The following MPPED2 variants were observed in gnomAD, a reference collection of about 807,000 sequenced individuals.
MPPED2 encodes the protein metallophosphoesterase MPPED2.
MPPED2 carries 5 observed loss-of-function variants against 33.0 expected under a neutral mutation model. That is an observed-to-expected ratio of 0.15 (90% confidence interval 0.08 to 0.32). The LOEUF (loss-of-function observed/expected upper bound fraction) is 0.32, where lower values mean the gene tolerates loss of function less well. MPPED2 is among the 10% of genes least tolerant of loss of function. The pLI, the probability that MPPED2 is intolerant of heterozygous loss-of-function variation, is 1.00. For missense variants in MPPED2, 275 were observed against 372.1 expected (o/e 0.74, Z 2.15); for synonymous variants, 136 against 141.9 (o/e 0.96, Z 0.29).
In MPPED2 at chr11:30,439,483, G is replaced by A. The variant is rs182773853; in HGVS notation, c.537-21850C>T. Among the ~76,000 whole-genome samples, 7 of 152,112 alleles carry A rather than the reference G, an allele frequency of 4.6e-5. No homozygotes were observed. In the East Asian group the frequency reaches 9.7e-4, roughly 21 times the overall value. ...CTGGCACCTTAATGTCTGAAGGTTC[G>A]GGCACATTTGCAGTGTCACTATTAT... On this transcript the variant is annotated intron_variant, in intron 4 of 6. Transcript: ENST00000358117.
At chr11:30,527,102 G>T (rs1290290759) in intron 3 of MPPED2, among the ~76,000 whole-genome samples, 2 of 151,190 alleles carry the variant, frequency 1.3e-5, no homozygotes, top group African/African-American at 2.4e-5. Flanking sequence ...ATTTTTTTTT[G>T]TATTTTTTCA....
intron 4 of MPPED2, among the ~76,000 whole-genome samples, chr11:30,475,307 T>C (rs558003309): frequency 6.6e-6 from 1 of 152,308 alleles, no homozygotes; most frequent in East Asian, 1.9e-4. Context: ...AATTTATGTA[T>C]GATAAGCTGT....
intron 2 of MPPED2, among the ~76,000 whole-genome samples, chr11:30,578,214 G>C (rs184878805): frequency 1.3e-5 from 2 of 152,290 alleles, no homozygotes; most frequent in South Asian, 2.1e-4. Context: ...GTAAGAAACA[G>C]TGATGGCAAT....
At chr11:30,563,462 G>T (rs1956317155) in intron 2 of MPPED2, among the ~76,000 whole-genome samples, 1 of 152,124 alleles carries the variant, frequency 6.6e-6, no homozygotes, top group South Asian at 2.1e-4. Context: ...CACCTCTACA[G>T]AATACCCAAG....
At chr11:30,403,290 C>A (rs1009885863) in intron 6 of MPPED2, among the ~76,000 whole-genome samples, 1 of 151,730 alleles carries the variant, frequency 6.6e-6, no homozygotes, top group Non-Finnish European at 1.5e-5. Context: ...AAGTTGTTAT[C>A]CTTTGTACAC....
intron 4 of MPPED2, among the ~76,000 whole-genome samples, chr11:30,468,101 C>T (rs186595714): frequency 5.4e-4 from 83 of 152,308 alleles, no homozygotes; most frequent in Middle Eastern, 3.4e-3. Flanking sequence ...TCATTAGCTA[C>T]ATCTGTGTAC....
intron 3 of MPPED2, among the ~76,000 whole-genome samples, chr11:30,535,648 A>G (rs1277153183): frequency 6.6e-6 from 1 of 152,030 alleles, no homozygotes; most frequent in African/African-American, 2.4e-5. Flanking sequence ...ATATCTGGGG[A>G]AAAAAAGATT....
At chr11:30,413,003 A>G (rs1480187066) in intron 6 of MPPED2, among the ~76,000 whole-genome samples, 2 of 152,106 alleles carry the variant, frequency 1.3e-5, no homozygotes, top group Non-Finnish European at 2.9e-5. Flanking sequence ...TGTTCCCTCC[A>G]TCATACCTTA....
chr11:30,494,753 A>G (rs1321883684), intron 4 of MPPED2, among the ~76,000 whole-genome samples: 8 of 146,962 alleles, frequency 5.4e-5, no homozygotes, highest in African/African-American at 2.0e-4. Flanking sequence ...AAAAAAAAAA[A>G]AAAAAAAGAA....
chr11:30,495,997 T>C (rs1952233164), intron 3 of MPPED2, among the ~76,000 whole-genome samples: 1 of 152,206 alleles, frequency 6.6e-6, no homozygotes, highest in South Asian at 2.1e-4. Context: ...CATTCCATAA[T>C]TGACATACAT....
At chr11:30,434,611 G>A (rs1949239406) in intron 4 of MPPED2, among the ~76,000 whole-genome samples, 1 of 152,116 alleles carries the variant, frequency 6.6e-6, no homozygotes, top group South Asian at 2.1e-4. Context: ...ACATTTAAAA[G>A]CTCTTCCTAG....
At chr11:30,583,105 T>G (rs2134946990) in intron 1 of MPPED2, among the ~76,000 whole-genome samples, 1 of 144,656 alleles carries the variant, frequency 6.9e-6, no homozygotes, top group African/African-American at 2.6e-5. Context: ...TTAAGAATTT[T>G]AAACACAAAC....
chr11:30,498,887 A>T (rs1286185306), intron 3 of MPPED2, among the ~76,000 whole-genome samples: 1 of 152,210 alleles, frequency 6.6e-6, no homozygotes, highest in Non-Finnish European at 1.5e-5. Context: ...GATGTGGAAA[A>T]CTTGCTCATC....
At chr11:30,499,036 T>C (rs1158159459) in intron 3 of MPPED2, among the ~76,000 whole-genome samples, 1 of 152,214 alleles carries the variant, frequency 6.6e-6, no homozygotes, top group Non-Finnish European at 1.5e-5. Flanking sequence ...GGGTCCTCGC[T>C]GCTACTTGAC....
chr11:30,473,499 C>T (rs1273038823), intron 4 of MPPED2, among the ~76,000 whole-genome samples: 10 of 152,118 alleles, frequency 6.6e-5, no homozygotes, highest in Non-Finnish European at 1.3e-4. Flanking sequence ...GTTGCCACTG[C>T]CACTATGATG....
chr11:30,421,744 T>G (rs768545668), intron 4 of MPPED2, among the ~76,000 whole-genome samples: 62 of 152,272 alleles, frequency 4.1e-4, no homozygotes, highest in Middle Eastern at 3.4e-3. Flanking sequence ...ACTAGCACAA[T>G]TTCAGTTTTT....
At chr11:30,515,318 A>T (rs754373376) in intron 3 of MPPED2, among the ~76,000 whole-genome samples, 26 of 152,152 alleles carry the variant, frequency 1.7e-4, no homozygotes, top group Non-Finnish European at 3.8e-4. Context: ...AGAAGGTGGT[A>T]GTGCACTGGC....
chr11:30,436,130 T>C (rs1001437300), intron 4 of MPPED2, among the ~76,000 whole-genome samples: 1 of 151,742 alleles, frequency 6.6e-6, no homozygotes, highest in Non-Finnish European at 1.5e-5. Context: ...TATTTTAGTA[T>C]TTGAATTACT....
intron 4 of MPPED2, among the ~76,000 whole-genome samples, chr11:30,427,524 A>G (rs1490209270): frequency 6.6e-6 from 1 of 152,222 alleles, no homozygotes; most frequent in Non-Finnish European, 1.5e-5. Flanking sequence ...CATAAGGTCA[A>G]TTGGAAACTC....
Sources: gnomAD v4.1 joint callset for allele counts (sites outside exome capture counted in the v4.1 genomes callset) on GRCh38, gnomAD v4.1.1 for gene constraint, MANE v1.5 for transcripts, NCBI Gene and HGNC (gene_info 2026-07-23, HGNC 2026-07-21) for gene names.